SLC6A9: variants seen among roughly 807,000 people sequenced by gnomAD.
SLC6A9 encodes the protein solute carrier family 6 member 9.
A neutral mutation model predicts 70.9 loss-of-function variants in SLC6A9; 31 were observed. The ratio of observed to expected loss-of-function variants is 0.44; its 90% CI spans 0.33 to 0.59. The LOEUF is 0.59. Among genes scored for constraint, SLC6A9 ranks in the 20% least tolerant of loss-of-function variants. The pLI, the probability that SLC6A9 is intolerant of heterozygous loss-of-function variation, is 0.04. For missense variants in SLC6A9, 631 were observed against 845.2 expected, an observed-to-expected ratio of 0.75 and a Z score of 3.14; for synonymous variants, 310 against 341.3, an observed-to-expected ratio of 0.91 and a Z score of 1.01.
intron 1 of SLC6A9, chr1:44,030,360 ACGGCCCCGCCCCCGGGC>A (rs1442163119): frequency 2.0e-5 from 3 of 151,378 alleles, no homozygotes; most frequent in Non-Finnish European, 4.4e-5. Context: ...TCCCCGCCCC[ACGGCCCCGCCCCCGGGC>A]CGGCACCGGC....
At chr1:44,020,471 G>T (rs1269162638) in intron 2 of SLC6A9, among the ~76,000 whole-genome samples, 3 of 152,212 alleles carry the variant, frequency 2.0e-5, no homozygotes, top group Non-Finnish European at 4.4e-5. Context: ...CTGTGTACCT[G>T]GCAGTGTGCT....
intron 5 of SLC6A9, among the ~76,000 whole-genome samples, chr1:44,004,849 A>ACCT (rs2086253742): frequency 6.6e-6 from 1 of 152,146 alleles, no homozygotes; most frequent in Non-Finnish European, 1.5e-5. Flanking sequence ...TTTACAAGTG[A>ACCT]CCTCTTGACA....
intron 2 of SLC6A9, chr1:44,016,351 C>A (rs1402076932): frequency 3.9e-5 from 6 of 152,484 alleles, no homozygotes; most frequent in Admixed American, 3.3e-4. Context: ...CTGTTCCTCC[C>A]AGACCCATCC....
intron 5 of SLC6A9, among the ~76,000 whole-genome samples, chr1:44,006,275 T>C (rs2086307538): frequency 6.6e-6 from 1 of 152,128 alleles, no homozygotes; most frequent in African/African-American, 2.4e-5. Flanking sequence ...CTGAGAACAG[T>C]ACCTGGTACC....
intron 5 of SLC6A9, among the ~76,000 whole-genome samples, chr1:44,004,267 A>AT (rs1380877906): frequency 6.6e-6 from 1 of 152,158 alleles, no homozygotes; most frequent in African/African-American, 2.4e-5. Flanking sequence ...AAGTGCTGGG[A>AT]TTACAGGCGT....
At chr1:44,004,609 G>C (rs1057277950) in intron 5 of SLC6A9, among the ~76,000 whole-genome samples, 3 of 152,324 alleles carry the variant, frequency 2.0e-5, no homozygotes, top group Admixed American at 6.5e-5. Flanking sequence ...GCCTCCCAAA[G>C]TGCTGGGATT....
chr1:44,005,941 A>C (rs2086294040), intron 5 of SLC6A9, among the ~76,000 whole-genome samples: 1 of 152,180 alleles, frequency 6.6e-6, no homozygotes, highest in Admixed American at 6.5e-5. Context: ...CGGCTCCACC[A>C]GCCAGATTTC....
intron 2 of SLC6A9, chr1:44,011,494 C>T (rs996885683): frequency 5.1e-6 from 7 of 1,385,096 alleles, no homozygotes; most frequent in Non-Finnish European, 7.1e-6. Context: ...TTCTGGGACT[C>T]TAGGTGGGAG....
chr1:43,999,269 T>C (rs2086000485), intron 12 of SLC6A9, among the ~76,000 whole-genome samples: 1 of 150,944 alleles, frequency 6.6e-6, no homozygotes. Flanking sequence ...AAAGCCAGGC[T>C]GGAGTTACCC....
intron 2 of SLC6A9, among the ~76,000 whole-genome samples, chr1:44,019,884 G>C (rs55859716): frequency 6.6e-6 from 1 of 152,010 alleles, no homozygotes; most frequent in African/African-American, 2.4e-5. Flanking sequence ...TGCCGGGGAT[G>C]GGGGAGGGCT....
rs891939354 is a variant in SLC6A9, at chr1:44,018,590, C to G, written c.30+5658G>C. On this transcript the variant is annotated intron_variant, in intron 2 of 13. Transcript: ENST00000372310. This position sits in a 1 kb window ranked among gnomAD's most constrained non-coding sequence, Gnocchi z 4.2. Reference sequence around the variant, plus strand: ...GCCTGGGCAGCAAGAGCAAAACTCTCTCTCTAAAATAATAATAATAATAAT... The same window carrying G: ...GCCTGGGCAGCAAGAGCAAAACTCTGTCTCTAAAATAATAATAATAATAAT... Among the ~76,000 whole-genome samples the G allele has an allele frequency of 9.5e-5, 13 of 136,210 alleles. No individual in the cohort carries two copies. Among genetic ancestry groups the G allele is most frequent in the Admixed American group, 8.2e-4 (11 of 13,414 alleles). 89.4% of individuals were successfully genotyped at this position (136,210 alleles called of 152,430 possible).
At chr1:44,025,744 G>A (rs986759815) in intron 1 of SLC6A9, among the ~76,000 whole-genome samples, 1 of 151,802 alleles carries the variant, frequency 6.6e-6, no homozygotes, top group South Asian at 2.1e-4. Flanking sequence ...AGGTTGCAGT[G>A]AGCCGAGATT....
intron 1 of SLC6A9, among the ~76,000 whole-genome samples, chr1:44,028,793 A>G (rs188645163): frequency 3.5e-4 from 51 of 145,448 alleles, no homozygotes; most frequent in Middle Eastern, 3.4e-3. Flanking sequence ...GAGAGAGAGA[A>G]AGAAAGAAAG....
chr1:44,011,446 G>A lies in SLC6A9; in HGVS notation c.31-564C>T, dbSNP rs1278787978. On this transcript the variant is annotated intron_variant, in intron 2 of 13. Transcript: ENST00000372310. ...AGAGTGGGCAGGGCTGGGGGGAAAT[G>A]GGGGAGCAGCTGAGCCGGGACAGAC... 7 of 867,210 alleles carry A rather than the reference G, an allele frequency of 8.1e-6. No homozygotes were observed. The South Asian group carries it at 1.1e-4, about 14-fold the overall frequency. 53.7% of individuals were successfully genotyped at this position (867,210 alleles called of 1,614,324 possible). A position where few individuals can be genotyped will look rare whatever the true frequency, so the allele number is the denominator to read the frequency against.
intron 2 of SLC6A9, among the ~76,000 whole-genome samples, chr1:44,020,522 G>A (rs2086861956): frequency 6.6e-6 from 1 of 152,346 alleles, no homozygotes; most frequent in Non-Finnish European, 1.5e-5. Flanking sequence ...TTCTAAGGGA[G>A]TGTTTAATGT....
intron 5 of SLC6A9, among the ~76,000 whole-genome samples, chr1:44,006,585 T>TAAAAAAAA (rs1248798219): frequency 9.0e-5 from 1 of 11,160 alleles, no homozygotes; most frequent in Non-Finnish European, 1.7e-4. Flanking sequence ...AGATTCTGTC[T>TAAAAAAAA]CAAAAAAAAA....
rs772309983 is a variant in SLC6A9 at position 44,017,024 on chromosome 1, C to T, written c.31-6142G>A. The T allele has an allele frequency of 1.3e-4, 199 of 1,565,300 alleles. 1 individual carries two copies. The highest frequency in any genetic ancestry group is 1.6e-4 in the Non-Finnish European group (188 of 1,160,152). On this transcript the variant is annotated intron_variant, in intron 2 of 13. Transcript: ENST00000372310. The stretch of plus-strand genomic sequence containing the variant: ...CCTGCCTGGCACCAAGGAGGGGGCT[C>T]AACTTCCTGGAAGGTGACTGACCTG...
intron 4 of SLC6A9, among the ~76,000 whole-genome samples, chr1:44,009,019 C>CT (rs35340201): frequency 0.13 from 9,389 of 71,674 alleles, 1,079 homozygotes; most frequent in African/African-American, 0.19. Flanking sequence ...CGCGCCCGGC[C>CT]TTTTTTTTTT....
At chr1:44,014,058 C>T (rs867028074) in intron 2 of SLC6A9, among the ~76,000 whole-genome samples, 5 of 152,128 alleles carry the variant, frequency 3.3e-5, no homozygotes, top group African/African-American at 4.8e-5. Context: ...ACTGGCTGCC[C>T]GTCTGCCTGA....
Sources: gnomAD v4.1 joint callset for allele counts (sites outside exome capture counted in the v4.1 genomes callset) on GRCh38, gnomAD v4.1.1 for gene constraint, Gnocchi (gnomAD v3.1) non-coding constraint, MANE v1.5 for transcripts, NCBI Gene and HGNC (gene_info 2026-07-23, HGNC 2026-07-21) for gene names.